WDSUB1: variants seen among roughly 807,000 people sequenced by gnomAD.
The protein encoded by WDSUB1 is WD repeat, sterile alpha motif and U-box domain containing 1, also known as WD repeat, SAM and U-box domain-containing protein 1.
Under a neutral mutation model 53.9 loss-of-function variants are expected in WDSUB1, and 49 were observed. That is an observed-to-expected ratio of 0.91 (90% confidence interval 0.72 to 1.15). The LOEUF (loss-of-function observed/expected upper bound fraction) is 1.15, where lower values mean the gene tolerates loss of function less well. Among genes scored for constraint, WDSUB1 ranks in the 50% most tolerant of loss-of-function variants. The pLI is 0.00. For missense variants in WDSUB1, 514 were observed against 562.0 expected (o/e 0.91, Z 0.86); for synonymous variants, 194 against 200.6 (o/e 0.97, Z 0.28).
intron 10 of WDSUB1, among the ~76,000 whole-genome samples, chr2:159,239,417 T>A (rs1282795255): frequency 6.6e-6 from 1 of 152,240 alleles, no homozygotes; most frequent in African/African-American, 2.4e-5. Flanking sequence ...CTTTACAAAA[T>A]TCATATTGTT....
rs185753483 is a variant in WDSUB1 at position 159,278,868 on chromosome 2, G to A, written c.583+893C>T. Among the ~76,000 whole-genome samples the A allele has an allele frequency of 3.9e-5, 6 of 152,154 alleles. No individual in the cohort carries two copies. The East Asian group carries it at 9.6e-4, about 24-fold the overall frequency. The stretch of plus-strand genomic sequence containing the variant: ...CCAAAACCTTTCTGTCTACTCTTTG[G>A]ACCTGTTTTGTCCAATAGGGCAGTG... On this transcript the variant is annotated intron_variant, in intron 3 of 10. Coordinates refer to ENST00000359774, the MANE Select transcript of WDSUB1 (RefSeq NM_001128212.3).
chr2:159,280,708 A>AAC (rs111752652), intron 2 of WDSUB1, among the ~76,000 whole-genome samples: 2 of 134,378 alleles, frequency 1.5e-5, no homozygotes, highest in South Asian at 2.4e-4. Flanking sequence ...AAAAAAAAAA[A>AAC]ATTACCCAGA....
chr2:159,257,973 T>C lies in WDSUB1; in HGVS notation c.817A>G (p.Ile273Val). 1 of 1,612,792 alleles carries C rather than the reference T, an allele frequency of 6.2e-7. No individual in the cohort carries two copies. The highest frequency in any genetic ancestry group is 1.1e-5 in the South Asian group (1 of 91,002). The part of the protein sequence containing the change: ...VIVYDTNTEN[I>V]LHTLTQHTRY... ...GTGTGCTGAGTCAATGTGTGAAGTATATTCTCAGTATTCTGAAAAACAATA... is the reference window on the plus strand; with the variant it reads ...GTGTGCTGAGTCAATGTGTGAAGTACATTCTCAGTATTCTGAAAAACAATA... Residue 273 changes from isoleucine to valine, a missense_variant, in exon 7 of 11, where the codon ATA (isoleucine) becomes GTA (valine). Transcript: ENST00000359774.
intron 10 of WDSUB1, among the ~76,000 whole-genome samples, chr2:159,244,657 G>A (rs2060746329): frequency 6.6e-6 from 1 of 152,286 alleles, no homozygotes; most frequent in East Asian, 1.9e-4. Flanking sequence ...AGGCTCAGTG[G>A]CTCACACGTC....
At chr2:159,283,247 G>C (rs2061713862) in intron 1 of WDSUB1, among the ~76,000 whole-genome samples, 154 bp from the exon 2 acceptor site, 1 of 152,204 alleles carries the variant, frequency 6.6e-6, no homozygotes, top group African/African-American at 2.4e-5. Context: ...CGGCAGCAGG[G>C]ACCAGTTTCA....
chr2:159,243,140 C>T (rs1248517206), intron 10 of WDSUB1, among the ~76,000 whole-genome samples: 2 of 147,456 alleles, frequency 1.4e-5, no homozygotes, highest in African/African-American at 2.6e-5. Context: ...CATAGGAACA[C>T]CTATAAAACA....
Position 159,236,061 on chromosome 2 carries a change from T to TTGA in WDSUB1, c.1400_1402dup (p.Ile467dup), listed in dbSNP as rs1559517699. On this transcript the variant is annotated inframe_insertion, in exon 11 of 11. Coordinates refer to ENST00000359774, the MANE Select transcript of WDSUB1 (RefSeq NM_001128212.3). ...CTTTTGGTGTGTCTCCAGCCATCTA[T>TTGA]TGATGGCCATTTTCAGAGTCCTATT... The TTGA allele has an allele frequency of 6.2e-7, 1 of 1,610,856 alleles. No homozygotes were observed. Among genetic ancestry groups the TTGA allele is most frequent in the Non-Finnish European group, 8.5e-7 (1 of 1,179,212 alleles).
chr2:159,266,137 T>C (rs2061342508), intron 5 of WDSUB1, among the ~76,000 whole-genome samples: 1 of 152,216 alleles, frequency 6.6e-6, no homozygotes, highest in African/African-American at 2.4e-5. Context: ...GTGATAGATG[T>C]AACCCATATA....
chr2:159,282,691 G>C lies in WDSUB1; in HGVS notation c.379C>G (p.Gln127Glu). 1 of 1,613,024 alleles carries C rather than the reference G, an allele frequency of 6.2e-7. No individual in the cohort carries two copies. Among genetic ancestry groups the C allele is most frequent in the Non-Finnish European group, 8.5e-7 (1 of 1,179,118 alleles). ...CCATACCTATATAATTTGTATGACTGTGCATTCCACAAAACCACAGTTCCA... is the reference window on the plus strand; with the variant it reads ...CCATACCTATATAATTTGTATGACTCTGCATTCCACAAAACCACAGTTCCA... ...ADGTVVLWNAQSYKLYRCGSV... is the reference protein window; with the variant it reads ...ADGTVVLWNAESYKLYRCGSV... The change falls in exon 2 of 11, where the codon CAG becomes GAG. Residue 127 changes from glutamine to glutamate, a missense_variant. Physicochemically the swap from Gln to Glu is conservative, Grantham distance 29. Transcript: ENST00000359774.
At chr2:159,254,694 C>A (rs2061023271) in intron 9 of WDSUB1, among the ~76,000 whole-genome samples, 1 of 152,152 alleles carries the variant, frequency 6.6e-6, no homozygotes, top group Non-Finnish European at 1.5e-5. Flanking sequence ...TGAAGTAATT[C>A]TACTTGATAA....
At chr2:159,241,008 GA>G (rs1164432511) in intron 10 of WDSUB1, among the ~76,000 whole-genome samples, 1 of 152,166 alleles carries the variant, frequency 6.6e-6, no homozygotes, top group African/African-American at 2.4e-5. Context: ...GCATGAAAGA[GA>G]AAAGTCTACG....
At chr2:159,269,291 C>G (rs898458014) in intron 5 of WDSUB1, among the ~76,000 whole-genome samples, 50 of 151,858 alleles carry the variant, frequency 3.3e-4, no homozygotes, top group African/African-American at 1.2e-3. Flanking sequence ...CTGCCTCAGC[C>G]TCCTGAGTAG....
Position 159,257,785 on chromosome 2 carries a change from G to A in WDSUB1, c.925C>T (p.Gln309Ter), listed in dbSNP as rs368712484. Residue 309 changes from glutamine (Q) to a stop codon, truncating the protein, a stop_gained, in exon 8 of 11, where the codon CAA (glutamine) becomes TAA (stop). Transcript: ENST00000359774. LOFTEE classifies it high-confidence loss of function. ...GSMDKTVNIW[Q>*]FDLETLCQAR... ...TGGCAAAGTGTTTCCAGGTCAAATT[G>A]CCAGATGTTCACTGTTTTGTCCATT... 5.0e-6 allele frequency: 8 copies of A among 1,614,042 alleles called. No homozygotes were observed. In the African/African-American group the frequency reaches 5.3e-5, roughly 11 times the overall value.
At position 159,283,013 on chromosome 2, in the gene WDSUB1, G is replaced by C; in HGVS notation, c.57C>G (p.Ala19=). 6.2e-7 allele frequency: 1 copy of C among 1,614,082 alleles called. No individual in the cohort carries two copies. The change falls in exon 2 of 11, where the codon GCC becomes GCG. Residue 19 remains alanine (A), a synonymous_variant. Transcript: ENST00000359774. ...AAGTAGCCAAGAGGGAAAAGGAGAA[G>C]GCACAGCAGTTGACATCGTCACCAT... ...ADHGDDVNCC[A]FSFSLLATCS... is the part of the protein sequence containing the mutation.
Position 159,247,894 on chromosome 2 carries a change from T to TATATATATATAA in WDSUB1, c.1273+477_1273+478insTTATATATATAT, listed in dbSNP as rs1283473239. The stretch of plus-strand genomic sequence containing the variant: ...TAGGCCAAAATTAAATAAATATATA[T>TATATATATATAA]ATATATATATATATAAATATATATA... On this transcript the variant is annotated intron_variant, in intron 10 of 10. Transcript: ENST00000359774. Among the ~76,000 whole-genome samples, 100 of 43,654 alleles carry TATATATATATAA rather than the reference T, an allele frequency of 2.3e-3. 2 individuals are homozygous for TATATATATATAA. The highest frequency in any genetic ancestry group is 5.4e-3 in the South Asian group (6 of 1,120). The allele number at this position is 43,654 out of a possible 152,430, so 28.6% of individuals were successfully genotyped here.
Position 159,282,766 on chromosome 2 carries a change from C to G in WDSUB1, c.304G>C (p.Val102Leu). ...MEQPSGSPVR[V>L]CQFSPDSTCL... ...GTGGAGTCTGGGGAAAACTGGCAAA[C>G]CCTCACAGGGCTGCCACTAGGCTGT... The change falls in exon 2 of 11, where the codon GTT (valine) becomes CTT (leucine). Residue 102 changes from valine (V) to leucine (L), a missense_variant. Val to Leu is a conservative substitution (Grantham distance 32, BLOSUM62 1). Transcript: ENST00000359774. 6.2e-7 allele frequency: 1 copy of G among 1,614,206 alleles called. No individual in the cohort carries two copies. The highest frequency in any genetic ancestry group is 1.3e-5 in the African/African-American group (1 of 75,052).
intron 5 of WDSUB1, among the ~76,000 whole-genome samples, chr2:159,265,126 A>AAAC (rs2061313933): frequency 7.1e-6 from 1 of 140,238 alleles, no homozygotes; most frequent in African/African-American, 2.7e-5. Context: ...ACAACAACAA[A>AAAC]AAAAAACAAC....
At chr2:159,257,385 A>G (rs1055160329) in intron 8 of WDSUB1, among the ~76,000 whole-genome samples, 1 of 133,202 alleles carries the variant, frequency 7.5e-6, no homozygotes, top group African/African-American at 2.8e-5. Flanking sequence ...ATGATTTACT[A>G]ACTTTTTTTT....
intron 5 of WDSUB1, among the ~76,000 whole-genome samples, chr2:159,267,476 A>AT (rs1343386811): frequency 4.7e-5 from 7 of 150,232 alleles, no homozygotes; most frequent in Admixed American, 1.3e-4. Context: ...AATTTCTTTA[A>AT]TTTTTTTTTG....
Sources: allele counts gnomAD v4.1 joint callset (sites outside exome capture counted in the v4.1 genomes callset), GRCh38; gene constraint gnomAD v4.1.1; transcripts MANE v1.5; gene names NCBI Gene and HGNC (gene_info 2026-07-23, HGNC 2026-07-21).